GABRA4: variants seen among roughly 807,000 people sequenced by gnomAD.
GABRA4 encodes the protein gamma-aminobutyric acid receptor subunit alpha-4.
GABRA4 carries 12 observed loss-of-function variants against 49.7 expected under a neutral mutation model. That is an observed-to-expected ratio of 0.24 (90% CI 0.15 to 0.39). The LOEUF (loss-of-function observed/expected upper bound fraction) is 0.39, where lower values mean the gene tolerates loss of function less well. Among genes scored for constraint, GABRA4 ranks in the 10% least tolerant of loss-of-function variants. The pLI, the probability that GABRA4 is intolerant of heterozygous loss-of-function variation, is 1.00. For synonymous variants in GABRA4, 288 were observed against 240.2 expected (o/e 1.20, Z -1.84); for missense variants, 506 against 686.0 (o/e 0.74, Z 2.93).
At chr4:46,974,198 G>A in intron 6 of GABRA4, 34 bp downstream of exon 6, 1 of 1,580,982 alleles carries the variant, frequency 6.3e-7, no homozygotes, top group South Asian at 1.2e-5. Context: ...CTAACACCAA[G>A]TAGCATGTCG....
At position 46,919,487 on chromosome 4, in the gene GABRA4, C is replaced by T. The variant is rs1442511824; in HGVS notation, c.*8738G>A. On this transcript the variant is annotated 3_prime_UTR_variant, in exon 9 of 9. Transcript: ENST00000264318. Reference sequence around the variant, plus strand: ...CCTCTATCTCCTATCAAACCTTGAACTGTTATAAATATCACACTTTATATT... The same window carrying T: ...CCTCTATCTCCTATCAAACCTTGAATTGTTATAAATATCACACTTTATATT... The T allele has an allele frequency of 1.3e-5, 2 of 151,474 alleles. No homozygotes were observed. The highest frequency in any genetic ancestry group is 4.8e-5 in the African/African-American group (2 of 41,372). The allele number at this position is 151,474 out of a possible 1,614,324, so 9.4% of individuals were successfully genotyped here. A position where few individuals can be genotyped will look rare whatever the true frequency, so the allele number is the denominator to read the frequency against.
chr4:46,944,143 CA>C (rs1284216209), intron 8 of GABRA4, among the ~76,000 whole-genome samples: 1 of 152,004 alleles, frequency 6.6e-6, no homozygotes, highest in African/African-American at 2.4e-5. Context: ...TCACCACACA[CA>C]AAAAAGTATC....
At chr4:46,991,726 A>AGCCTCAG (rs1723752714) in intron 2 of GABRA4, among the ~76,000 whole-genome samples, 1 of 35,922 alleles carries the variant, frequency 2.8e-5, no homozygotes, top group East Asian at 7.8e-4. Context: ...CTTGGACTCA[A>AGCCTCAG]TTTCCTTATC....
rs995593735 is a variant in GABRA4, at chr4:46,953,555, G to T, written c.1134+11415C>A. Among the ~76,000 whole-genome samples, 10 of 152,192 alleles carry T rather than the reference G, an allele frequency of 6.6e-5. No homozygotes were observed. The East Asian group carries it at 1.7e-3, about 26-fold the overall frequency. ...AATGTTTAAAATGTCACAACATTTT[G>T]GGAAAACTGTGGATTAGTTAGTCTA... On this transcript the variant is annotated intron_variant, in intron 8 of 8. Coordinates refer to ENST00000264318, the MANE Select transcript of GABRA4 (RefSeq NM_000809.4).
At chr4:46,990,079 G>A (rs764389958) in intron 2 of GABRA4, among the ~76,000 whole-genome samples, 2 of 152,126 alleles carry the variant, frequency 1.3e-5, no homozygotes, top group Non-Finnish European at 1.5e-5. Context: ...TCTAAAAAGT[G>A]AATCACATTT....
At chr4:46,964,626 C>T (rs752353986) in intron 8 of GABRA4, among the ~76,000 whole-genome samples, 9 of 151,048 alleles carry the variant, frequency 6.0e-5, no homozygotes, top group Non-Finnish European at 1.2e-4. Context: ...GCACAATGAA[C>T]TCTATTAAAA....
At chr4:46,933,265 T>C (rs1196383899) in intron 8 of GABRA4, among the ~76,000 whole-genome samples, 1 of 152,202 alleles carries the variant, frequency 6.6e-6, no homozygotes, top group African/African-American at 2.4e-5. Flanking sequence ...TGCATTAAAA[T>C]GGATATCCTA....
intron 2 of GABRA4, among the ~76,000 whole-genome samples, chr4:46,982,895 G>T (rs1723406790): frequency 6.6e-6 from 1 of 152,004 alleles, no homozygotes; most frequent in Non-Finnish European, 1.5e-5. Flanking sequence ...GATGAAGACT[G>T]GACAGATTGA....
chr4:46,974,296 G>A lies in GABRA4; in HGVS notation c.657C>T (p.Ser219=). The change falls in exon 6 of 9, where the codon TCC becomes TCT. Residue 219 remains serine (S), a synonymous_variant. Coordinates refer to ENST00000264318, the MANE Select transcript of GABRA4 (RefSeq NM_000809.4). ...CAATCAAATCATATTGAACTAAGCTGGAAGACTCCTTCGGAACTTCAACTG... is the reference window on the plus strand; with the variant it reads ...CAATCAAATCATATTGAACTAAGCTAGAAGACTCCTTCGGAACTTCAACTG... ...EKSVEVPKES[S]SLVQYDLIGQ... is the part of the protein sequence containing the mutation. 6.2e-7 allele frequency: 1 copy of A among 1,611,630 alleles called. No homozygotes were observed. Among genetic ancestry groups the A allele is most frequent in the East Asian group, 2.2e-5 (1 of 44,744 alleles).
intron 8 of GABRA4, among the ~76,000 whole-genome samples, chr4:46,945,986 T>C (rs2109352712): frequency 6.6e-6 from 1 of 152,218 alleles, no homozygotes; most frequent in Non-Finnish European, 1.5e-5. Flanking sequence ...AGAGGTAACA[T>C]TGTCCTTGGG....
intron 8 of GABRA4, among the ~76,000 whole-genome samples, chr4:46,962,526 T>A (rs1335231922): frequency 6.6e-6 from 1 of 151,942 alleles, no homozygotes; most frequent in East Asian, 1.9e-4. Flanking sequence ...AAAATTTCCA[T>A]ACCACCAAAA....
chr4:46,939,838 T>G (rs1257601667), intron 8 of GABRA4, among the ~76,000 whole-genome samples: 1 of 151,976 alleles, frequency 6.6e-6, no homozygotes, highest in Non-Finnish European at 1.5e-5. Flanking sequence ...TTGTTCTAGG[T>G]TCTTACTGAT....
chr4:46,943,253 C>T (rs931188308), intron 8 of GABRA4, among the ~76,000 whole-genome samples: 3 of 152,106 alleles, frequency 2.0e-5, no homozygotes, highest in Non-Finnish European at 2.9e-5. Context: ...AGCACACTAT[C>T]CACCTAGCTT....
chr4:46,958,253 A>G (rs890209891), intron 8 of GABRA4, among the ~76,000 whole-genome samples: 8 of 151,918 alleles, frequency 5.3e-5, no homozygotes, highest in African/African-American at 1.9e-4. Flanking sequence ...TAAAATAGTT[A>G]TTGTGAGCTT....
rs144152642 is a variant in GABRA4, at chr4:46,948,042, T to C, written c.1134+16928A>G. The stretch of plus-strand genomic sequence containing the variant: ...ATTGGAAATAGCAGCACCAAATAAA[T>C]TACTGCATCCTTTTACTTACCCCAC... On this transcript the variant is annotated intron_variant, in intron 8 of 8. Transcript: ENST00000264318. Among the ~76,000 whole-genome samples, 4 of 152,234 alleles carry C rather than the reference T, an allele frequency of 2.6e-5. No individual in the cohort carries two copies. In the East Asian group the frequency reaches 7.7e-4, roughly 29 times the overall value.
intron 8 of GABRA4, among the ~76,000 whole-genome samples, chr4:46,935,521 T>C (rs1253830143): frequency 6.6e-6 from 1 of 152,034 alleles, no homozygotes; most frequent in Non-Finnish European, 1.5e-5. Flanking sequence ...TAGAAGACAA[T>C]ATTATACGTC....
chr4:46,961,060 A>C (rs1435074447), intron 8 of GABRA4, among the ~76,000 whole-genome samples: 5 of 151,938 alleles, frequency 3.3e-5, no homozygotes, highest in East Asian at 3.9e-4. Flanking sequence ...CTGCATACTC[A>C]ATCACTACTT....
intron 7 of GABRA4, among the ~76,000 whole-genome samples, chr4:46,965,734 C>T (rs144368856): frequency 1.3e-5 from 2 of 151,908 alleles, no homozygotes; most frequent in African/African-American, 4.8e-5. Context: ...GCATGGCCCA[C>T]TGCTATTGAG....
At chr4:46,956,073 T>G (rs1722350767) in intron 8 of GABRA4, among the ~76,000 whole-genome samples, 1 of 152,104 alleles carries the variant, frequency 6.6e-6, no homozygotes. Flanking sequence ...CATAGTTAGT[T>G]CTAATATATT....
Sources: allele counts gnomAD v4.1 joint callset (sites outside exome capture counted in the v4.1 genomes callset), GRCh38; gene constraint gnomAD v4.1.1; transcripts MANE v1.5; gene names NCBI Gene and HGNC (gene_info 2026-07-23, HGNC 2026-07-21).